RBFOX1: variants seen among roughly 807,000 people sequenced by gnomAD.
RBFOX1 encodes RNA binding protein fox-1 homolog 1.
RBFOX1 carries 8 observed loss-of-function variants against 57.7 expected under a neutral mutation model. The observed-to-expected ratio is 0.14, with a 90% CI of 0.08 to 0.25. The LOEUF (loss-of-function observed/expected upper bound fraction) is 0.25. Ranked by LOEUF, RBFOX1 falls within the 10% of genes least tolerant of loss-of-function variation. The pLI is 1.00. For missense variants in RBFOX1, 611 were observed against 548.5 expected (o/e 1.11, Z -1.14); for synonymous variants, 326 against 222.4 (o/e 1.47, Z -4.15).
At chr16:6,267,012 C>A (rs1249492463) in intron 1 of RBFOX1, among the ~76,000 whole-genome samples, 1 of 152,130 alleles carries the variant, frequency 6.6e-6, no homozygotes, top group East Asian at 1.9e-4. Context: ...GCTCCACCAC[C>A]ATCATGAATA....
chr16:5,878,392 C>T (rs936500874), intron 4 of RBFOX1, among the ~76,000 whole-genome samples: 15 of 152,142 alleles, frequency 9.9e-5, no homozygotes, highest in African/African-American at 3.4e-4. Flanking sequence ...CTTCATTTAA[C>T]AGATGAGAAA....
intron 3 of RBFOX1, among the ~76,000 whole-genome samples, chr16:6,981,878 T>C (rs1283812873): frequency 6.6e-6 from 1 of 152,172 alleles, no homozygotes; most frequent in African/African-American, 2.4e-5. Flanking sequence ...TTAAGTTGAT[T>C]CCACATCTTG....
rs574185386 is a variant in RBFOX1 at position 7,115,173 on chromosome 16, A to G, written c.27+63075A>G. On this transcript the variant is annotated intron_variant, in intron 4 of 15. Coordinates refer to ENST00000550418, the MANE Select transcript of RBFOX1 (RefSeq NM_018723.4). ...GCACTTAGTGGTGCAACTTTTATAA[A>G]GAAACCTGGTATTTTTTTAATTAAC... Among the ~76,000 whole-genome samples, 7 of 152,306 alleles carry G rather than the reference A, an allele frequency of 4.6e-5. No individual in the cohort carries two copies. The South Asian group carries it at 1.0e-3, about 23-fold the overall frequency.
At chr16:7,568,393 G>A (rs1342173983) in intron 5 of RBFOX1, among the ~76,000 whole-genome samples, 1 of 152,144 alleles carries the variant, frequency 6.6e-6, no homozygotes, top group Non-Finnish European at 1.5e-5. Flanking sequence ...TTTGGAAACT[G>A]TTGTGGTACT....
intron 3 of RBFOX1, among the ~76,000 whole-genome samples, chr16:6,796,709 A>G (rs115574360): frequency 2.5e-4 from 38 of 152,202 alleles, no homozygotes; most frequent in African/African-American, 9.2e-4. Flanking sequence ...TTTTTTGATG[A>G]ACTTTCTCTC....
intron 3 of RBFOX1, among the ~76,000 whole-genome samples, chr16:6,690,936 A>G (rs959291455): frequency 2.6e-5 from 4 of 151,438 alleles, no homozygotes; most frequent in African/African-American, 4.9e-5. Context: ...AAATCTGTCA[A>G]CCTGTGATGA....
intron 1 of RBFOX1, among the ~76,000 whole-genome samples, chr16:5,465,924 G>A (rs1008302982): frequency 1.2e-4 from 18 of 152,142 alleles, no homozygotes; most frequent in African/African-American, 3.9e-4. Context: ...CTCTGTCCAC[G>A]GTGCTGCGGT....
At chr16:6,995,665 C>G (rs537147992) in intron 3 of RBFOX1, among the ~76,000 whole-genome samples, 1 of 152,162 alleles carries the variant, frequency 6.6e-6, no homozygotes, top group East Asian at 1.9e-4. Flanking sequence ...AAGGCTGAGG[C>G]AGGAGAATCA....
At chr16:6,047,505 G>C (rs1375073400) in intron 1 of RBFOX1, among the ~76,000 whole-genome samples, 4 of 152,216 alleles carry the variant, frequency 2.6e-5, no homozygotes, top group African/African-American at 4.8e-5. Flanking sequence ...AGGATTTTGG[G>C]TGATGAGCAT....
intron 3 of RBFOX1, among the ~76,000 whole-genome samples, chr16:5,682,522 T>TTAA (rs1261477426): frequency 6.6e-6 from 1 of 152,224 alleles, no homozygotes; most frequent in African/African-American, 2.4e-5. Flanking sequence ...TGACCATTTG[T>TTAA]TAATCCCTGG....
intron 4 of RBFOX1, among the ~76,000 whole-genome samples, chr16:7,205,897 G>A (rs539373248): frequency 6.6e-6 from 1 of 152,240 alleles, no homozygotes; most frequent in Non-Finnish European, 1.5e-5. Context: ...GCAGCTATTA[G>A]TGGTGTCCCC....
At chr16:7,580,566 G>C (rs559224545) in intron 6 of RBFOX1, among the ~76,000 whole-genome samples, 15 of 152,190 alleles carry the variant, frequency 9.9e-5, no homozygotes, top group Non-Finnish European at 8.8e-5. Context: ...ATGCCATGAA[G>C]TGTAGCCTTG....
intron 4 of RBFOX1, among the ~76,000 whole-genome samples, chr16:7,154,105 G>C (rs548947761): frequency 5.3e-5 from 8 of 152,182 alleles, no homozygotes; most frequent in Non-Finnish European, 1.2e-4. Context: ...TTAGCAGGTA[G>C]AAAAGCACTC....
chr16:6,427,117 A>G (rs565740413), intron 2 of RBFOX1, among the ~76,000 whole-genome samples: 1 of 152,336 alleles, frequency 6.6e-6, no homozygotes, highest in East Asian at 1.9e-4. Flanking sequence ...CCCGATAACA[A>G]TGGGAAAAGA....
intron 2 of RBFOX1, among the ~76,000 whole-genome samples, chr16:6,578,689 C>G (rs1567751467): frequency 6.7e-6 from 1 of 149,344 alleles, no homozygotes; most frequent in East Asian, 2.0e-4. Context: ...GAGAGAGAAA[C>G]AGAGAGTGAA....
intron 12 of RBFOX1, among the ~76,000 whole-genome samples, chr16:7,658,984 C>A (rs1454552418): frequency 6.6e-6 from 1 of 152,216 alleles, no homozygotes; most frequent in Non-Finnish European, 1.5e-5. Context: ...CTCAGCCTCC[C>A]AAAGTGCTGG....
rs1238190420 is a variant in RBFOX1 at position 7,493,313 on chromosome 16, G to C, written c.28-24834G>C. Among the ~76,000 whole-genome samples, 5 of 152,312 alleles carry C rather than the reference G, an allele frequency of 3.3e-5. No individual in the cohort carries two copies. The East Asian group carries it at 9.6e-4, about 29-fold the overall frequency. On this transcript the variant is annotated intron_variant, in intron 4 of 15. Transcript: ENST00000550418. ...AGAGTTTCCTGTGTTAGACAGTACA[G>C]ATATGGAATATTTCTGTCATCTCAG...
intron 1 of RBFOX1, among the ~76,000 whole-genome samples, chr16:5,313,558 AAAGAGG>A (rs2064149421): frequency 1.3e-5 from 2 of 152,058 alleles, no homozygotes; most frequent in Non-Finnish European, 2.9e-5. Context: ...CTGGGAAGAG[AAAGAGG>A]TTTAATGGAC....
chr16:7,073,874 A>G (rs2057820195), intron 4 of RBFOX1, among the ~76,000 whole-genome samples: 1 of 151,046 alleles, frequency 6.6e-6, no homozygotes, highest in Non-Finnish European at 1.5e-5. Context: ...TAACAAATAA[A>G]TAAATACTAG....
Sources: allele counts gnomAD v4.1 joint callset (sites outside exome capture counted in the v4.1 genomes callset), GRCh38; gene constraint gnomAD v4.1.1; transcripts MANE v1.5; gene names NCBI Gene and HGNC (gene_info 2026-07-23, HGNC 2026-07-21).